EHD2: variants seen among roughly 807,000 people sequenced by gnomAD.
EHD2 encodes EH domain containing 2.
EHD2 carries 27 observed loss-of-function variants against 41.0 expected under a neutral mutation model. The observed-to-expected ratio is 0.66, with a 90% confidence interval of 0.49 to 0.91. The LOEUF is 0.91. Among genes scored for constraint, EHD2 ranks in the 40% least tolerant of loss-of-function variants. EHD2 has a pLI of 0.00. For synonymous variants in EHD2, 342 were observed against 341.0 expected (o/e 1.00, Z -0.03); for missense variants, 673 against 773.9 (o/e 0.87, Z 1.55).
In EHD2 at chr19:47,716,657, C is replaced by T. The variant is rs781221558; in HGVS notation, c.45C>T (p.Pro15=). 3.8e-5 allele frequency: 60 copies of T among 1,585,616 alleles called. No homozygotes were observed. Among genetic ancestry groups the T allele is most frequent in the Non-Finnish European group, 4.8e-5 (56 of 1,166,074 alleles). ...LKRGGARGQQ[P]EAIRTVTSAL... ...GGGGCGGGGCACGGGGCCAGCAGCC[C>T]GAGGCCATCCGCACGGTGACCTCGG... The change falls in exon 2 of 6, where the codon CCC becomes CCT. Residue 15 remains proline (P), a synonymous_variant. Coordinates refer to ENST00000263277, the MANE Select transcript of EHD2 (RefSeq NM_014601.4).
At chr19:47,723,145 C>T (rs1320623776) in intron 3 of EHD2, among the ~76,000 whole-genome samples, 1 of 152,150 alleles carries the variant, frequency 6.6e-6, no homozygotes, top group African/African-American at 2.4e-5. Flanking sequence ...GATCCCCCTG[C>T]CCACCCTGGG....
In EHD2 at chr19:47,741,334, CTCA is replaced by C. The variant is rs1568595026; in HGVS notation, c.1537_1539del (p.Ile513del). ...TGAGGAGTTCGCGCTGGCCAGCCAC[CTCA>C]TCGAGGCCAAGCTGGAAGGCCACGG... On this transcript the variant is annotated inframe_deletion, in exon 6 of 6. Coordinates refer to ENST00000263277, the MANE Select transcript of EHD2 (RefSeq NM_014601.4). The surrounding 1 kb of genome is among the most constrained non-coding windows in gnomAD (Gnocchi z 4.5). 2 of 1,612,614 alleles carry C rather than the reference CTCA, an allele frequency of 1.2e-6. No individual in the cohort carries two copies. The highest frequency in any genetic ancestry group is 2.2e-5 in the East Asian group (1 of 44,870).
chr19:47,741,330 C>T lies in EHD2; in HGVS notation c.1530C>T (p.Ser510=). The T allele has an allele frequency of 4.3e-6, 7 of 1,612,774 alleles. No homozygotes were observed. Among genetic ancestry groups the T allele is most frequent in the Non-Finnish European group, 5.9e-6 (7 of 1,179,854 alleles). The change falls in exon 6 of 6, where the codon AGC becomes AGT. Residue 510 remains serine (S), a synonymous_variant. Coordinates refer to ENST00000263277, the MANE Select transcript of EHD2 (RefSeq NM_014601.4). This position sits in a 1 kb window ranked among gnomAD's most constrained non-coding sequence, Gnocchi z 4.5. ...ATGATGAGGAGTTCGCGCTGGCCAG[C>T]CACCTCATCGAGGCCAAGCTGGAAG... ...MLDDEEFALA[S]HLIEAKLEGH...
intron 4 of EHD2, among the ~76,000 whole-genome samples, chr19:47,735,890 C>T (rs1336737318): frequency 3.7e-5 from 5 of 135,734 alleles, no homozygotes; most frequent in East Asian, 2.1e-4. Context: ...GGCAACAGAG[C>T]GAGACTCTGT....
intron 3 of EHD2, among the ~76,000 whole-genome samples, chr19:47,721,566 G>A (rs1973697473): frequency 1.3e-5 from 2 of 151,796 alleles, no homozygotes; most frequent in African/African-American, 4.8e-5. Context: ...CACCCACCTC[G>A]GCCTCCCAAA....
At chr19:47,737,876 CT>C (rs1226699986) in intron 5 of EHD2, among the ~76,000 whole-genome samples, 3,870 of 100,022 alleles carry the variant, frequency 0.039, 27 homozygotes, top group Non-Finnish European at 0.055. Flanking sequence ...GCCTGGCTAG[CT>C]TTTTTTTTTT....
In EHD2 at chr19:47,716,714, G is replaced by A; in HGVS notation, c.102G>A (p.Leu34=). The A allele has an allele frequency of 6.2e-6, 10 of 1,613,070 alleles. No homozygotes were observed. Among genetic ancestry groups the A allele is most frequent in the Non-Finnish European group, 8.5e-6 (10 of 1,179,662 alleles). The stretch of plus-strand genomic sequence containing the variant: ...AGGAGCTGTACCGCACGAAGCTGCT[G>A]CCGCTGGAGGAGCACTACCGCTTTG... The part of the protein sequence containing the change: ...ALKELYRTKL[L]PLEEHYRFGA... The change falls in exon 2 of 6, where the codon CTG becomes CTA. Residue 34 remains leucine, a synonymous_variant. Coordinates refer to ENST00000263277, the MANE Select transcript of EHD2 (RefSeq NM_014601.4).
chr19:47,736,263 C>A, intron 4 of EHD2, 106 bp from the exon 5 acceptor site: 1 of 1,067,500 alleles, frequency 9.4e-7, no homozygotes, highest in Non-Finnish European at 1.4e-6. Context: ...ATGCCCCAGC[C>A]CAGACCAAGT....
Position 47,726,024 on chromosome 19 carries a change from G to T in EHD2, c.715G>T (p.Ala239Ser), listed in dbSNP as rs1314955505. The change falls in exon 4 of 6, where the codon GCG (alanine) becomes TCG (serine). Residue 239 changes from alanine to serine, a missense_variant. Ala to Ser is a moderately conservative substitution (Grantham distance 99, BLOSUM62 1). Transcript: ENST00000263277. The stretch of plus-strand genomic sequence containing the variant: ...GCGCGTCTACGGCGCGCTCATGTGG[G>T]CGCTGGGCAAGGTGGTGGGCACGCC... Reference protein sequence around the residue: ...LMRVYGALMWALGKVVGTPEV... With the variant: ...LMRVYGALMWSLGKVVGTPEV... 1 of 1,599,950 alleles carries T rather than the reference G, an allele frequency of 6.3e-7. No homozygotes were observed. The highest frequency in any genetic ancestry group is 1.7e-5 in the Admixed American group (1 of 57,928).
At chr19:47,720,623 T>C (rs1568588590) in intron 3 of EHD2, among the ~76,000 whole-genome samples, 1 of 151,918 alleles carries the variant, frequency 6.6e-6, no homozygotes. Flanking sequence ...TGTCTATGTG[T>C]CTATGTGGAT....
At position 47,716,942 on chromosome 19, in the gene EHD2, C is replaced by T. The variant is rs140854893; in HGVS notation, c.330C>T (p.Pro110=). Reference sequence around the variant, plus strand: ...ACGGGGACACTGAGGGCACCGTGCCCGGCAACGCCCTCGTCGTGGACCCGG... The same window carrying T: ...ACGGGGACACTGAGGGCACCGTGCCTGGCAACGCCCTCGTCGTGGACCCGG... ...VMHGDTEGTV[P]GNALVVDPDK... is the part of the protein sequence containing the mutation. Residue 110 remains proline, a synonymous_variant, in exon 2 of 6, where the codon CCC becomes CCT. Transcript: ENST00000263277. 440 of 1,608,662 alleles carry T rather than the reference C, an allele frequency of 2.7e-4. 2 individuals are homozygous for T. Among genetic ancestry groups the T allele is most frequent in the South Asian group, 1.8e-3 (166 of 91,078 alleles).
intron 5 of EHD2, among the ~76,000 whole-genome samples, chr19:47,739,623 A>G (rs1383714764): frequency 2.0e-5 from 3 of 149,768 alleles, no homozygotes; most frequent in African/African-American, 4.9e-5. Flanking sequence ...AAAAGGAAAG[A>G]AAAGAAAAGA....
In EHD2 at chr19:47,741,288, C is replaced by T; in HGVS notation, c.1488C>T (p.Asp496=). Residue 496 remains aspartate, a synonymous_variant, in exon 6 of 6, where the codon GAC becomes GAT. Transcript: ENST00000263277. This position sits in a 1 kb window ranked among gnomAD's most constrained non-coding sequence, Gnocchi z 4.5. Reference sequence around the variant, plus strand: ...GCATCTGGAAGCTCAGCGATGTGGACCGCGACGGCATGCTGGATGATGAGG... The same window carrying T: ...GCATCTGGAAGCTCAGCGATGTGGATCGCGACGGCATGCTGGATGATGAGG... ...LGRIWKLSDV[D]RDGMLDDEEF... The T allele has an allele frequency of 6.2e-6, 10 of 1,614,054 alleles. No individual in the cohort carries two copies. The highest frequency in any genetic ancestry group is 8.5e-6 in the Non-Finnish European group (10 of 1,179,966).
At chr19:47,731,899 T>C (rs1270574569) in intron 4 of EHD2, among the ~76,000 whole-genome samples, 1 of 148,896 alleles carries the variant, frequency 6.7e-6, no homozygotes, top group Admixed American at 6.9e-5. Context: ...GCCATTCTCC[T>C]GCCTCAGCCT....
chr19:47,716,777 C>T lies in EHD2; in HGVS notation c.165C>T (p.Phe55=), dbSNP rs750209017. The part of the protein sequence containing the change: ...FHSPALEDAD[F]DGKPMVLVAG... Reference sequence around the variant, plus strand: ...CGCCGGCCCTGGAGGACGCAGACTTCGACGGCAAGCCCATGGTGCTGGTGG... The same window carrying T: ...CGCCGGCCCTGGAGGACGCAGACTTTGACGGCAAGCCCATGGTGCTGGTGG... Residue 55 remains phenylalanine, a synonymous_variant, in exon 2 of 6, where the codon TTC becomes TTT. Coordinates refer to ENST00000263277, the MANE Select transcript of EHD2 (RefSeq NM_014601.4). 7 of 1,612,186 alleles carry T rather than the reference C, an allele frequency of 4.3e-6. No individual in the cohort carries two copies. The highest frequency in any genetic ancestry group is 2.7e-5 in the African/African-American group (2 of 74,916).
rs904564645 is a variant in EHD2 at position 47,719,136 on chromosome 19, G to A, written c.502+530G>A. Reference sequence around the variant, plus strand: ...GTGGGGGAGGTGTGTGGGTGACCACGTGGTGGGAGCGGGCAGGAGCCGCAC... The same window carrying A: ...GTGGGGGAGGTGTGTGGGTGACCACATGGTGGGAGCGGGCAGGAGCCGCAC... On this transcript the variant is annotated intron_variant, in intron 3 of 5. Coordinates refer to ENST00000263277, the MANE Select transcript of EHD2 (RefSeq NM_014601.4). The surrounding 1 kb of genome is among the most constrained non-coding windows in gnomAD (Gnocchi z 4.1). 1.1e-4 allele frequency among the ~76,000 whole-genome samples: 16 copies of A among 152,162 alleles called. No individual in the cohort carries two copies. Among genetic ancestry groups the A allele is most frequent in the African/African-American group, 3.1e-4 (13 of 41,440 alleles).
intron 4 of EHD2, 25 bp from the exon 5 acceptor site, chr19:47,736,344 G>C: frequency 6.3e-7 from 1 of 1,594,666 alleles, no homozygotes; most frequent in African/African-American, 1.4e-5. Flanking sequence ...CCTGATGCAG[G>C]CTGAGGTGAG....
At chr19:47,716,068 CTT>C (rs60295874) in intron 1 of EHD2, among the ~76,000 whole-genome samples, 3,239 of 99,954 alleles carry the variant, frequency 0.032, 67 homozygotes, top group African/African-American at 0.09. Flanking sequence ...TGTGCCTGGC[CTT>C]TTTTTTTTTT....
intron 3 of EHD2, 56 bp downstream of exon 3, chr19:47,718,662 T>G (rs575461023): frequency 1.4e-6 from 2 of 1,405,432 alleles, no homozygotes; most frequent in Non-Finnish European, 9.6e-7. Flanking sequence ...CCTGGACTCC[T>G]GGGTCTGAGG....
Sources: gnomAD v4.1 joint callset for allele counts (sites outside exome capture counted in the v4.1 genomes callset) on GRCh38, gnomAD v4.1.1 for gene constraint, Gnocchi (gnomAD v3.1) non-coding constraint, MANE v1.5 for transcripts, NCBI Gene and HGNC (gene_info 2026-07-23, HGNC 2026-07-21) for gene names.